Variants in KLHL29 observed in about 807,000 individuals in gnomAD.
The protein encoded by KLHL29 is kelch-like protein 29.
Under a neutral mutation model 80.4 loss-of-function variants are expected in KLHL29, and 21 were observed. That is an observed-to-expected ratio of 0.26 (90% confidence interval 0.19 to 0.38). KLHL29 has a LOEUF of 0.38. Among genes scored for constraint, KLHL29 ranks in the 10% least tolerant of loss-of-function variants. The pLI, the probability that KLHL29 is intolerant of heterozygous loss-of-function variation, is 1.00. For missense variants in KLHL29, 867 were observed against 1,223.9 expected (o/e 0.71, Z 4.35); for synonymous variants, 511 against 526.8 (o/e 0.97, Z 0.41).
chr2:23,573,786 A>C (rs1667776249), intron 3 of KLHL29, among the ~76,000 whole-genome samples: 1 of 152,204 alleles, frequency 6.6e-6, no homozygotes, highest in Admixed American at 6.5e-5. Flanking sequence ...ACTCCGGTGC[A>C]TGATGCTTGG....
intron 4 of KLHL29, among the ~76,000 whole-genome samples, chr2:23,640,180 C>G (rs371282189): frequency 1.3e-5 from 2 of 152,202 alleles, no homozygotes; most frequent in East Asian, 3.8e-4. Flanking sequence ...CATCAGTGTT[C>G]CTGTTTGCTC....
At chr2:23,636,632 AG>A (rs1669618565) in intron 3 of KLHL29, among the ~76,000 whole-genome samples, 1 of 152,182 alleles carries the variant, frequency 6.6e-6, no homozygotes, top group South Asian at 2.1e-4. Flanking sequence ...ACTTGAGGGC[AG>A]GGCTGAGTCT....
chr2:23,425,437 C>G (rs1163137681), intron 1 of KLHL29, among the ~76,000 whole-genome samples: 1 of 152,206 alleles, frequency 6.6e-6, no homozygotes, highest in African/African-American at 2.4e-5. Flanking sequence ...ATACCTCTCT[C>G]TCCAGGGCCG....
intron 1 of KLHL29, among the ~76,000 whole-genome samples, chr2:23,458,886 C>G (rs1159149321): frequency 6.6e-6 from 1 of 152,176 alleles, no homozygotes; most frequent in Non-Finnish European, 1.5e-5. Context: ...TTATCTGAGT[C>G]TAATGGTGAA....
chr2:23,498,556 G>T (rs1239310055), intron 2 of KLHL29, among the ~76,000 whole-genome samples: 1 of 152,234 alleles, frequency 6.6e-6, no homozygotes, highest in Non-Finnish European at 1.5e-5. Context: ...TTGGGGAGCA[G>T]ACTGGAAGAA....
At chr2:23,556,902 A>G (rs1366801180) in intron 2 of KLHL29, among the ~76,000 whole-genome samples, 1 of 152,206 alleles carries the variant, frequency 6.6e-6, no homozygotes, top group Admixed American at 6.5e-5. Context: ...TCACATGTGC[A>G]TGTAATTTAA....
intron 1 of KLHL29, among the ~76,000 whole-genome samples, chr2:23,456,361 T>C (rs1424382204): frequency 6.6e-6 from 1 of 152,074 alleles, no homozygotes; most frequent in Non-Finnish European, 1.5e-5. Context: ...CCCAGCATGC[T>C]CCCCATAGCA....
At chr2:23,412,122 A>AGGG (rs33951812) in intron 1 of KLHL29, among the ~76,000 whole-genome samples, 25 of 118,676 alleles carry the variant, frequency 2.1e-4, no homozygotes, top group Middle Eastern at 4.3e-3. Flanking sequence ...GTGTGCGTGA[A>AGGG]GGGGGGGGGG....
intron 3 of KLHL29, among the ~76,000 whole-genome samples, chr2:23,630,447 G>A (rs1168930361): frequency 1.3e-5 from 2 of 152,138 alleles, no homozygotes; most frequent in African/African-American, 2.4e-5. Context: ...AGTAGACCCG[G>A]GTTAGAGTCC....
At chr2:23,604,013 C>T (rs1668640197) in intron 3 of KLHL29, among the ~76,000 whole-genome samples, 2 of 152,206 alleles carry the variant, frequency 1.3e-5, no homozygotes. Context: ...GTGCACAGTT[C>T]TAGTGTGGGT....
At position 23,694,732 on chromosome 2, in the gene KLHL29, G is replaced by A. The variant is rs548813655; in HGVS notation, c.1543-891G>A. ...TCTCTGACGCCTCTACACGGGCTTC[G>A]AATGTCCACCCTCCCATCCACCTTG... On this transcript the variant is annotated intron_variant, in intron 8 of 13. Coordinates refer to ENST00000486442, the MANE Select transcript of KLHL29 (RefSeq NM_052920.2). Among the ~76,000 whole-genome samples, 32 of 152,244 alleles carry A rather than the reference G, an allele frequency of 2.1e-4. No homozygotes were observed. In the Middle Eastern group the frequency reaches 0.01, roughly 49 times the overall value.
intron 3 of KLHL29, among the ~76,000 whole-genome samples, chr2:23,589,526 G>A (rs887565026): frequency 2.0e-5 from 3 of 152,232 alleles, no homozygotes; most frequent in Admixed American, 6.5e-5. Flanking sequence ...GATGTGAAAC[G>A]TGGCAAAGTC....
At position 23,585,097 on chromosome 2, in the gene KLHL29, G is replaced by A. The variant is rs112075593; in HGVS notation, c.285+22616G>A. 8.3e-3 allele frequency among the ~76,000 whole-genome samples: 1,259 copies of A among 152,308 alleles called. 19 individuals are homozygous for A. The highest frequency in any genetic ancestry group is 0.029 in the African/African-American group (1,195 of 41,546). On this transcript the variant is annotated intron_variant, in intron 3 of 13. Transcript: ENST00000486442. ...CACAGACCGTAGTACCAGACCCCAA[G>A]AGCAGGAAACGGCTGTCAGATTGGG...
chr2:23,532,638 TG>T (rs1666530934), intron 2 of KLHL29: 1 of 456,594 alleles, frequency 2.2e-6, no homozygotes, highest in Non-Finnish European at 4.4e-6. Flanking sequence ...TATCTTAACT[TG>T]GGACTGAGGC....
intron 5 of KLHL29, among the ~76,000 whole-genome samples, chr2:23,657,572 C>A (rs776606959): frequency 6.6e-6 from 1 of 152,230 alleles, no homozygotes; most frequent in Admixed American, 6.5e-5. Flanking sequence ...AATCCCCATT[C>A]GGGCAAATTA....
intron 2 of KLHL29, among the ~76,000 whole-genome samples, chr2:23,550,290 T>A (rs1667090722): frequency 1.3e-5 from 2 of 152,104 alleles, no homozygotes; most frequent in African/African-American, 4.8e-5. Context: ...CACGAAGGCC[T>A]GACTCATGGA....
chr2:23,548,682 G>A (rs1018992303), intron 2 of KLHL29, among the ~76,000 whole-genome samples: 4 of 152,204 alleles, frequency 2.6e-5, no homozygotes, highest in African/African-American at 4.8e-5. Context: ...CAGTGAGCGC[G>A]TGGCAAGCAG....
intron 2 of KLHL29, among the ~76,000 whole-genome samples, chr2:23,513,722 G>T (rs1375672739): frequency 2.6e-5 from 4 of 152,180 alleles, no homozygotes; most frequent in African/African-American, 9.7e-5. Context: ...GAGATCGGAA[G>T]TGCTGGGCAT....
chr2:23,644,377 G>A (rs1296855755), intron 5 of KLHL29: 1 of 152,172 alleles, frequency 6.6e-6, no homozygotes, highest in East Asian at 1.9e-4. Flanking sequence ...CTATGCCAAA[G>A]CCCAAGGCAC....
Sources: gnomAD v4.1 joint callset for allele counts (sites outside exome capture counted in the v4.1 genomes callset) on GRCh38, gnomAD v4.1.1 for gene constraint, MANE v1.5 for transcripts, NCBI Gene and HGNC (gene_info 2026-07-23, HGNC 2026-07-21) for gene names.